The following PTPRD variants were observed in gnomAD, a reference collection of about 807,000 sequenced individuals.
The protein encoded by PTPRD is protein tyrosine phosphatase receptor type D, also known as receptor-type tyrosine-protein phosphatase delta.
In PTPRD, 34 loss-of-function variants were observed where a neutral mutation model predicts 214.5. The ratio of observed to expected loss-of-function variants is 0.16; its 90% CI spans 0.12 to 0.21. The LOEUF (loss-of-function observed/expected upper bound fraction) is 0.21, where lower values mean the gene tolerates loss of function less well. PTPRD is among the 10% of genes least tolerant of loss of function. The pLI is 1.00. For synonymous variants in PTPRD, 1,128 were observed against 845.7 expected (o/e 1.33, Z -5.79); for missense variants, 2,545 against 2,398.7 (o/e 1.06, Z -1.27).
intron 7 of PTPRD, among the ~76,000 whole-genome samples, chr9:9,714,375 A>G (rs1258836313): frequency 6.6e-6 from 1 of 152,224 alleles, no homozygotes; most frequent in African/African-American, 2.4e-5. Context: ...GCTTCTGTCC[A>G]TAGCCATATC....
chr9:8,882,545 TCTC>T (rs1381041412), intron 11 of PTPRD, among the ~76,000 whole-genome samples: 2 of 152,158 alleles, frequency 1.3e-5, no homozygotes, highest in African/African-American at 4.8e-5. Context: ...GTAGCATCTT[TCTC>T]CTCCTATGGC....
At chr9:9,685,313 CA>C (rs2097148318) in intron 7 of PTPRD, among the ~76,000 whole-genome samples, 3 of 150,622 alleles carry the variant, frequency 2.0e-5, no homozygotes, top group Non-Finnish European at 4.5e-5. Context: ...CGTAAGAATG[CA>C]AATGGAATCC....
intron 7 of PTPRD, among the ~76,000 whole-genome samples, chr9:9,727,071 T>C (rs1384468207): frequency 6.6e-6 from 1 of 152,190 alleles, no homozygotes; most frequent in African/African-American, 2.4e-5. Flanking sequence ...CAAGAAATCA[T>C]ACAGCAAATG....
At chr9:9,211,634 T>C (rs768954313) in intron 9 of PTPRD, among the ~76,000 whole-genome samples, 1 of 152,016 alleles carries the variant, frequency 6.6e-6, no homozygotes, top group South Asian at 2.1e-4. Flanking sequence ...ATTTGACATA[T>C]ACCAAAGAGC....
rs186143563 is a variant in PTPRD, at chr9:10,420,561, G to T, written c.-599-79544C>A. 4.5e-3 allele frequency among the ~76,000 whole-genome samples: 678 copies of T among 151,804 alleles called. 7 individuals are homozygous for T. The highest frequency in any genetic ancestry group is 0.015 in the African/African-American group (620 of 41,442). On this transcript the variant is annotated intron_variant, in intron 2 of 45. Coordinates refer to ENST00000381196, the MANE Select transcript of PTPRD (RefSeq NM_002839.4). Reference sequence around the variant, plus strand: ...TCCTTTAAGGTACAAACGACGGGGGGGCTGAAGCAGATTAAAGGGCCAGGA... The same window carrying T: ...TCCTTTAAGGTACAAACGACGGGGGTGCTGAAGCAGATTAAAGGGCCAGGA...
intron 45 of PTPRD, among the ~76,000 whole-genome samples, chr9:8,318,566 G>T (rs888449544): frequency 6.6e-6 from 1 of 152,018 alleles, no homozygotes; most frequent in Non-Finnish European, 1.5e-5. Flanking sequence ...AGCTGGTGCG[G>T]CACACCAGGC....
At chr9:9,634,214 A>G (rs1253923829) in intron 7 of PTPRD, among the ~76,000 whole-genome samples, 2 of 152,166 alleles carry the variant, frequency 1.3e-5, no homozygotes, top group African/African-American at 4.8e-5. Flanking sequence ...GGGTGTATCA[A>G]AAACGTTGGT....
At chr9:9,851,043 A>G (rs763381902) in intron 5 of PTPRD, among the ~76,000 whole-genome samples, 1 of 152,186 alleles carries the variant, frequency 6.6e-6, no homozygotes, top group Non-Finnish European at 1.5e-5. Context: ...CTAACTTCAG[A>G]TTCTTTATCT....
intron 9 of PTPRD, among the ~76,000 whole-genome samples, chr9:9,370,286 C>T (rs868766966): frequency 0.044 from 6,743 of 151,630 alleles, 506 homozygotes; most frequent in African/African-American, 0.15. Flanking sequence ...TTTTATTTCC[C>T]TGAGCAGTGG....
intron 3 of PTPRD, among the ~76,000 whole-genome samples, chr9:10,308,781 C>G (rs1352067434): frequency 6.6e-6 from 1 of 151,942 alleles, no homozygotes; most frequent in Non-Finnish European, 1.5e-5. Context: ...CCTCCTCAAG[C>G]AGTTCGTTTC....
intron 3 of PTPRD, among the ~76,000 whole-genome samples, chr9:10,269,009 C>T (rs1156850081): frequency 6.6e-6 from 1 of 152,146 alleles, no homozygotes; most frequent in Non-Finnish European, 1.5e-5. Context: ...ATATCTCCAG[C>T]CACTGCCAAA....
rs370344774 is a variant in PTPRD at position 9,852,012 on chromosome 9, C to A, written c.-367-85161G>T. 7.2e-5 allele frequency among the ~76,000 whole-genome samples: 11 copies of A among 152,212 alleles called. No individual in the cohort carries two copies. The East Asian group carries it at 1.3e-3, about 19-fold the overall frequency. ...GATTTCAGATTTAACATGGAAATTT[C>A]TCTTCCTGAAGTACAGAATATAGTA... On this transcript the variant is annotated intron_variant, in intron 5 of 45. Transcript: ENST00000381196.
intron 10 of PTPRD, among the ~76,000 whole-genome samples, chr9:9,032,543 G>A (rs748022157): frequency 6.6e-6 from 1 of 151,918 alleles, no homozygotes; most frequent in Non-Finnish European, 1.5e-5. Flanking sequence ...TGCCCCCAAG[G>A]ACTGCAGGCA....
At chr9:10,561,239 G>A (rs768273508) in intron 2 of PTPRD, among the ~76,000 whole-genome samples, 1 of 152,042 alleles carries the variant, frequency 6.6e-6, no homozygotes, top group Non-Finnish European at 1.5e-5. Context: ...TTGAAAAGTA[G>A]GAATAGTAGC....
At chr9:8,611,864 T>C (rs1051808758) in intron 14 of PTPRD, among the ~76,000 whole-genome samples, 3 of 149,826 alleles carry the variant, frequency 2.0e-5, no homozygotes, top group Non-Finnish European at 4.4e-5. Context: ...TCATTATCAC[T>C]TCCAGAAAGA....
At chr9:8,729,514 T>A (rs1335442163) in intron 12 of PTPRD, among the ~76,000 whole-genome samples, 1 of 152,182 alleles carries the variant, frequency 6.6e-6, no homozygotes, top group African/African-American at 2.4e-5. Flanking sequence ...TCTTGTTGAA[T>A]AATGATATAA....
chr9:9,239,681 G>C (rs1426760551), intron 9 of PTPRD, among the ~76,000 whole-genome samples: 1 of 152,144 alleles, frequency 6.6e-6, no homozygotes, highest in Non-Finnish European at 1.5e-5. Context: ...CCATGGTACA[G>C]CCTGAAGACA....
At chr9:9,249,587 T>C (rs1487473839) in intron 9 of PTPRD, among the ~76,000 whole-genome samples, 1 of 152,110 alleles carries the variant, frequency 6.6e-6, no homozygotes, top group Non-Finnish European at 1.5e-5. Context: ...TTGCCTGGCT[T>C]TGTCTCTGTT....
intron 14 of PTPRD, among the ~76,000 whole-genome samples, chr9:8,613,130 G>A (rs529038477): frequency 1.2e-4 from 18 of 152,280 alleles, no homozygotes; most frequent in African/African-American, 4.1e-4. Flanking sequence ...CAAAGGGTAG[G>A]ATGTCTTAGC....
Sources: allele counts gnomAD v4.1 joint callset (sites outside exome capture counted in the v4.1 genomes callset), GRCh38; gene constraint gnomAD v4.1.1; transcripts MANE v1.5; gene names NCBI Gene and HGNC (gene_info 2026-07-23, HGNC 2026-07-21).